Variants in C8orf34 observed in about 807,000 individuals in gnomAD.
C8orf34 encodes the protein chromosome 8 open reading frame 34.
Under a neutral mutation model 68.3 loss-of-function variants are expected in C8orf34, and 65 were observed. That is an observed-to-expected ratio of 0.95 (90% CI 0.78 to 1.17). The LOEUF (loss-of-function observed/expected upper bound fraction) is 1.17, where lower values mean the gene tolerates loss of function less well. Ranked by LOEUF, C8orf34 falls within the 50% of genes most tolerant of loss-of-function variation. The probability of loss-of-function intolerance (pLI) is 0.00; values close to 1 mark genes in which losing one functional copy is unlikely to be tolerated. For synonymous variants in C8orf34, 244 were observed against 241.2 expected (o/e 1.01, Z -0.11); for missense variants, 664 against 655.4 (o/e 1.01, Z -0.14).
chr8:68,466,709 C>T (rs1214531579), intron 3 of C8orf34, among the ~76,000 whole-genome samples: 2 of 137,844 alleles, frequency 1.5e-5, no homozygotes, highest in African/African-American at 5.8e-5. Flanking sequence ...CAAAGTCTTA[C>T]ACTTTCTGTG....
intron 7 of C8orf34, among the ~76,000 whole-genome samples, chr8:68,600,908 C>A (rs922515935): frequency 2.0e-5 from 3 of 152,294 alleles, no homozygotes; most frequent in Admixed American, 2.0e-4. Context: ...CCTGTGAATT[C>A]TCCTCCTCGC....
chr8:68,463,109 A>G (rs1287698537), intron 3 of C8orf34, among the ~76,000 whole-genome samples: 2 of 152,140 alleles, frequency 1.3e-5, no homozygotes, highest in African/African-American at 4.8e-5. Flanking sequence ...TAAAGGGGAT[A>G]TCACCACTGA....
chr8:68,434,910 A>G (rs1393137139), intron 1 of C8orf34, among the ~76,000 whole-genome samples: 2 of 152,022 alleles, frequency 1.3e-5, no homozygotes, highest in Admixed American at 6.6e-5. Flanking sequence ...TTAGCTGGGC[A>G]TGGTGGCATG....
At chr8:68,488,229 A>G (rs985062319) in intron 5 of C8orf34, among the ~76,000 whole-genome samples, 178 bp downstream of exon 5, 1 of 152,206 alleles carries the variant, frequency 6.6e-6, no homozygotes, top group Non-Finnish European at 1.5e-5. Flanking sequence ...TCCATTAAAT[A>G]TATATATCAC....
chr8:68,535,269 A>G (rs141625855), intron 7 of C8orf34: 21 of 979,952 alleles, frequency 2.1e-5, no homozygotes. Flanking sequence ...TGCAATAGAG[A>G]CATCTGGTAT....
At chr8:68,565,997 A>G (rs779067586) in intron 7 of C8orf34, among the ~76,000 whole-genome samples, 16 of 152,214 alleles carry the variant, frequency 1.1e-4, no homozygotes, top group Admixed American at 2.0e-4. Context: ...TTTACTCAAG[A>G]TGCTGTTATT....
chr8:68,617,551 T>C (rs558557525), intron 7 of C8orf34, among the ~76,000 whole-genome samples: 2 of 152,172 alleles, frequency 1.3e-5, no homozygotes, highest in Non-Finnish European at 2.9e-5. Flanking sequence ...TGAAGCTTAG[T>C]TTGGCTGGAT....
rs139889278 is a variant in C8orf34 at position 68,572,058 on chromosome 8, A to G, written c.1105+38909A>G. On this transcript the variant is annotated intron_variant, in intron 7 of 13. Coordinates refer to ENST00000518698, the MANE Select transcript of C8orf34 (RefSeq NM_052958.4). ...CTACAGACTTGCATAGCACGTTACC[A>G]TGCTGAATACCATAGACAATTGTAA... is the stretch of plus-strand genomic sequence containing the variant. Among the ~76,000 whole-genome samples, 1,253 of 152,252 alleles carry G rather than the reference A, an allele frequency of 8.2e-3. 20 individuals are homozygous for G. The highest frequency in any genetic ancestry group is 0.028 in the African/African-American group (1,175 of 41,546).
chr8:68,793,500 T>C (rs1466088512), intron 12 of C8orf34, among the ~76,000 whole-genome samples: 4 of 152,190 alleles, frequency 2.6e-5, no homozygotes, highest in Non-Finnish European at 5.9e-5. Flanking sequence ...AGGAACAAGA[T>C]CATATTCTTT....
chr8:68,633,639 A>C (rs1368138374), intron 7 of C8orf34, among the ~76,000 whole-genome samples: 3 of 152,190 alleles, frequency 2.0e-5, no homozygotes, highest in African/African-American at 7.2e-5. Context: ...TCTTCTTAAC[A>C]AACTAAATTT....
At chr8:68,800,145 A>G (rs917440772) in intron 12 of C8orf34, among the ~76,000 whole-genome samples, 1 of 152,096 alleles carries the variant, frequency 6.6e-6, no homozygotes, top group Non-Finnish European at 1.5e-5. Flanking sequence ...TAGCAGGAAA[A>G]CCTTTGCATA....
At chr8:68,697,591 A>T (rs770676557) in intron 8 of C8orf34, among the ~76,000 whole-genome samples, 4 of 152,032 alleles carry the variant, frequency 2.6e-5, no homozygotes, top group Non-Finnish European at 5.9e-5. Flanking sequence ...TTGCTTATGA[A>T]TGAGTTTTGC....
chr8:68,439,576 A>G lies in C8orf34; in HGVS notation c.405A>G (p.Gln135=). The change falls in exon 2 of 14, where the codon CAA becomes CAG. Residue 135 remains glutamine (Q), a synonymous_variant. Transcript: ENST00000518698. ...PFLIDHLQSK[Q]GNRGQLQRTL... is the part of the protein sequence containing the mutation. Reference sequence around the variant, plus strand: ...TCATTGACCATCTTCAGTCTAAACAAGGGAACCGTGGACAACTTCAAAGAA... The same window carrying G: ...TCATTGACCATCTTCAGTCTAAACAGGGGAACCGTGGACAACTTCAAAGAA... 2.5e-6 allele frequency: 4 copies of G among 1,613,764 alleles called. No individual in the cohort carries two copies. The highest frequency in any genetic ancestry group is 2.5e-6 in the Non-Finnish European group (3 of 1,179,748).
intron 1 of C8orf34, among the ~76,000 whole-genome samples, chr8:68,395,410 T>C (rs988257512): frequency 6.6e-6 from 1 of 150,586 alleles, no homozygotes; most frequent in Non-Finnish European, 1.5e-5. Context: ...CACACACACA[T>C]TCTGGCTGTC....
chr8:68,548,160 C>T (rs1815949035), intron 7 of C8orf34, among the ~76,000 whole-genome samples: 1 of 151,356 alleles, frequency 6.6e-6, no homozygotes, highest in Non-Finnish European at 1.5e-5. Flanking sequence ...ACAAAAATCA[C>T]TAAAGATGAA....
chr8:68,488,117 CATAA>C (rs1480410958), intron 5 of C8orf34, 66 bp downstream of exon 5: 5 of 1,125,582 alleles, frequency 4.4e-6, no homozygotes, highest in Non-Finnish European at 6.3e-6. Flanking sequence ...ACTGTCTCAA[CATAA>C]ATAAATTTTC....
chr8:68,472,795 TA>T (rs1364902213), intron 4 of C8orf34, among the ~76,000 whole-genome samples: 1 of 152,304 alleles, frequency 6.6e-6, no homozygotes, highest in African/African-American at 2.4e-5. Context: ...GTATTCCATA[TA>T]AAAAATTTTC....
At chr8:68,789,153 T>A (rs1329371727) in intron 12 of C8orf34, among the ~76,000 whole-genome samples, 1 of 152,198 alleles carries the variant, frequency 6.6e-6, no homozygotes, top group African/African-American at 2.4e-5. Context: ...TTTCACCAAT[T>A]CTTTTGAGGC....
intron 1 of C8orf34, among the ~76,000 whole-genome samples, chr8:68,421,686 C>G (rs1322581251): frequency 6.6e-6 from 1 of 152,136 alleles, no homozygotes; most frequent in Non-Finnish European, 1.5e-5. Context: ...AACCCTGGCT[C>G]TACAAATAGG....
Sources: gnomAD v4.1 joint callset for allele counts (sites outside exome capture counted in the v4.1 genomes callset) on GRCh38, gnomAD v4.1.1 for gene constraint, MANE v1.5 for transcripts, NCBI Gene and HGNC (gene_info 2026-07-23, HGNC 2026-07-21) for gene names.